The following DNAH14 variants were observed in gnomAD, a reference collection of about 807,000 sequenced individuals.
The protein encoded by DNAH14 is axonemal beta dynein heavy chain 14.
Under a neutral mutation model 520.9 loss-of-function variants are expected in DNAH14, and 478 were observed. The ratio of observed to expected loss-of-function variants is 0.92; its 90% confidence interval spans 0.85 to 0.99. The LOEUF (loss-of-function observed/expected upper bound fraction) is 0.99, where lower values mean the gene tolerates loss of function less well. Among genes scored for constraint, DNAH14 ranks in the 50% least tolerant of loss-of-function variants. The pLI is 0.00. For synonymous variants in DNAH14, 1,581 were observed against 1,757.2 expected, an observed-to-expected ratio of 0.90 and a Z score of 2.51; for missense variants, 4,831 against 5,234.5, an observed-to-expected ratio of 0.92 and a Z score of 2.38.
chr1:225,130,816 A>T (rs1005558076), intron 27 of DNAH14, among the ~76,000 whole-genome samples: 1 of 87,424 alleles, frequency 1.1e-5, no homozygotes, highest in Non-Finnish European at 3.2e-5. Flanking sequence ...AACTTAAAGT[A>T]TAATAATAAT....
chr1:225,114,504 A>G (rs1305567431), intron 23 of DNAH14, among the ~76,000 whole-genome samples: 1 of 151,948 alleles, frequency 6.6e-6, no homozygotes, highest in Non-Finnish European at 1.5e-5. Flanking sequence ...TGGTGTCTCA[A>G]TAGATCATGT....
intron 44 of DNAH14, among the ~76,000 whole-genome samples, chr1:225,257,666 G>T (rs2092787075): frequency 6.6e-6 from 1 of 151,632 alleles, no homozygotes; most frequent in Non-Finnish European, 1.5e-5. Flanking sequence ...CTCCCGAGTA[G>T]CTGGGACTGC....
chr1:225,302,526 T>C (rs1262787583), intron 56 of DNAH14, among the ~76,000 whole-genome samples: 1 of 152,302 alleles, frequency 6.6e-6, no homozygotes, highest in South Asian at 2.1e-4. Flanking sequence ...TGCGGACTTA[T>C]TGCAAAGTGA....
chr1:225,214,643 T>G (rs1405023881), intron 41 of DNAH14, among the ~76,000 whole-genome samples: 1 of 152,206 alleles, frequency 6.6e-6, no homozygotes, highest in Non-Finnish European at 1.5e-5. Context: ...TGGGAAGGTG[T>G]ATGTGTCCAG....
rs540327977 is a variant in DNAH14 at position 225,216,838 on chromosome 1, G to A, written c.6439+9618G>A. Among the ~76,000 whole-genome samples the A allele has an allele frequency of 2.7e-4, 41 of 152,200 alleles. No individual in the cohort carries two copies. The South Asian group carries it at 5.6e-3, about 21-fold the overall frequency. On this transcript the variant is annotated intron_variant, in intron 41 of 85. Transcript: ENST00000682510. ...TTTTTAGCTTCTTTGCAATGGGTTC[G>A]AACATCCTCCAATAGCTCAGAGAAG...
In DNAH14 at chr1:225,374,970, A is replaced by G. The variant is rs947199655; in HGVS notation, c.12516+85A>G. 8 of 1,271,082 alleles carry G rather than the reference A, an allele frequency of 6.3e-6. No individual in the cohort carries two copies. The Admixed American group carries it at 2.3e-4, about 36-fold the overall frequency. The allele number at this position is 1,271,082 out of a possible 1,614,324, so 78.7% of individuals were successfully genotyped here. The stretch of plus-strand genomic sequence containing the variant: ...TTATTTAAAATACATATTTAAATAA[A>G]TTTTGATGTTCATTTTTAAAGGCTT... On this transcript the variant is annotated intron_variant, in intron 78 of 85. Coordinates refer to ENST00000682510, the MANE Select transcript of DNAH14 (RefSeq NM_001367479.1).
intron 74 of DNAH14, among the ~76,000 whole-genome samples, chr1:225,359,807 A>T (rs1197589646): frequency 1.3e-5 from 2 of 152,222 alleles, no homozygotes; most frequent in Non-Finnish European, 2.9e-5. Flanking sequence ...CTTTAAGGAG[A>T]TATCCAAAGT....
rs1030442393 is a variant in DNAH14, at chr1:225,265,290, C to T, written c.7331C>T (p.Ala2444Val). Residue 2444 changes from alanine (A) to valine (V), a missense_variant, in exon 48 of 86, where the codon GCT (alanine) becomes GTT (valine). By Grantham distance (64) the Ala-to-Val change is moderately conservative (BLOSUM62 0). Coordinates refer to ENST00000682510, the MANE Select transcript of DNAH14 (RefSeq NM_001367479.1). ...ATAAATTTTAGCACCAATGTAACAG[C>T]TGCCAAAACCAAGGAGATGATTCTT... is the stretch of plus-strand genomic sequence containing the variant. ...STINFSTNVT[A>V]AKTKEMILKK... is the part of the protein sequence containing the mutation. 2 of 1,544,452 alleles carry T rather than the reference C, an allele frequency of 1.3e-6. No individual in the cohort carries two copies. Among genetic ancestry groups the T allele is most frequent in the African/African-American group, 2.8e-5 (2 of 72,500 alleles).
intron 5 of DNAH14, among the ~76,000 whole-genome samples, chr1:224,965,602 G>A (rs1485338232): frequency 6.6e-6 from 1 of 152,068 alleles, no homozygotes; most frequent in African/African-American, 2.4e-5. Flanking sequence ...CTGTTACCAT[G>A]AAGATAAATC....
chr1:225,097,704 G>C (rs1272355757), intron 22 of DNAH14, among the ~76,000 whole-genome samples: 1 of 151,952 alleles, frequency 6.6e-6, no homozygotes, highest in Non-Finnish European at 1.5e-5. Context: ...AACCTGGGAG[G>C]TGGAGGATGC....
chr1:225,174,541 T>G (rs2083101657), intron 36 of DNAH14, among the ~76,000 whole-genome samples: 1 of 152,234 alleles, frequency 6.6e-6, no homozygotes. Flanking sequence ...GCAACCTTAT[T>G]AAATTCATTT....
intron 11 of DNAH14, chr1:225,024,343 A>G (rs1453059409): frequency 3.7e-6 from 3 of 806,736 alleles, no homozygotes; most frequent in Admixed American, 6.2e-5. Flanking sequence ...CCCAATGAAA[A>G]AACTATCTGA....
intron 36 of DNAH14, among the ~76,000 whole-genome samples, chr1:225,180,487 G>GA (rs2083854531): frequency 1.3e-5 from 2 of 152,212 alleles, no homozygotes; most frequent in Non-Finnish European, 2.9e-5. Flanking sequence ...GGCAGAAAGT[G>GA]AAAGGGAGCT....
At chr1:225,356,459 C>A (rs2095430317) in intron 73 of DNAH14, among the ~76,000 whole-genome samples, 1 of 152,152 alleles carries the variant, frequency 6.6e-6, no homozygotes, top group Non-Finnish European at 1.5e-5. Flanking sequence ...TTCTTCTATC[C>A]AACCCACTTC....
intron 25 of DNAH14, 63 bp downstream of exon 25, chr1:225,118,062 T>C (rs766262988): frequency 1.6e-6 from 2 of 1,242,274 alleles, no homozygotes; most frequent in South Asian, 2.6e-5. Flanking sequence ...ATCTCTGCTT[T>C]GAAATTTTTG....
At chr1:225,105,356 T>C (rs951691763) in intron 23 of DNAH14, among the ~76,000 whole-genome samples, 1 of 152,162 alleles carries the variant, frequency 6.6e-6, no homozygotes, top group Non-Finnish European at 1.5e-5. Context: ...GAAGAATGTA[T>C]ATTCTGTTGA....
At chr1:224,977,275 G>A (rs1455873028) in intron 8 of DNAH14, among the ~76,000 whole-genome samples, 2 of 147,018 alleles carry the variant, frequency 1.4e-5, no homozygotes, top group Admixed American at 7.1e-5. Context: ...CTCATAGGTG[G>A]GAATTGAACA....
chr1:225,159,465 G>A lies in DNAH14; in HGVS notation c.5425G>A (p.Val1809Ile). The A allele has an allele frequency of 6.5e-7, 1 of 1,533,020 alleles. No homozygotes were observed. The highest frequency in any genetic ancestry group is 8.8e-7 in the Non-Finnish European group (1 of 1,139,858). The allele number at this position is 1,533,020 out of a possible 1,614,324, so 95.0% of individuals were successfully genotyped here. A position where few individuals can be genotyped will look rare whatever the true frequency, so the allele number is the denominator to read the frequency against. The change falls in exon 35 of 86, where the codon GTA becomes ATA. Residue 1809 changes from valine (V) to isoleucine (I), a missense_variant. Physicochemically the swap from Val to Ile is conservative, Grantham distance 29. Coordinates refer to ENST00000682510, the MANE Select transcript of DNAH14 (RefSeq NM_001367479.1). Reference protein sequence around the residue: ...DIFPEVTVLKVNQLALEKVIY... With the variant: ...DIFPEVTVLKINQLALEKVIY... Reference sequence around the variant, plus strand: ...TTTTCCAGAAGTGACAGTTTTGAAAGTAAATCAACTTGCCTTGGAGGTAAA... The same window carrying A: ...TTTTCCAGAAGTGACAGTTTTGAAAATAAATCAACTTGCCTTGGAGGTAAA...
At chr1:225,144,910 T>C (rs113953519) in intron 29 of DNAH14, among the ~76,000 whole-genome samples, 5 of 150,652 alleles carry the variant, frequency 3.3e-5, no homozygotes, top group Non-Finnish European at 5.9e-5. Context: ...TGTGTGTGTG[T>C]TTGTGTGTGT....
Sources: allele counts gnomAD v4.1 joint callset (sites outside exome capture counted in the v4.1 genomes callset), GRCh38; gene constraint gnomAD v4.1.1; transcripts MANE v1.5; gene names NCBI Gene and HGNC (gene_info 2026-07-23, HGNC 2026-07-21).